DRC8: variants seen among roughly 807,000 people sequenced by gnomAD.
The protein encoded by DRC8 is dynein regulatory complex subunit 8.
the DRC8 span, chr1:245,017,299 A>G: frequency 6.2e-7 from 1 of 1,609,516 alleles, no homozygotes. Flanking sequence ...GTCTTTGACC[A>G]TGAGTCGAAT....
the DRC8 span, among the ~76,000 whole-genome samples, chr1:244,987,195 G>A: frequency 2.0e-5 from 3 of 151,688 alleles, no homozygotes; most frequent in Non-Finnish European, 4.4e-5. Context: ...ATTGAGTACA[G>A]TATTTCTTTC....
At chr1:245,083,850 G>T in the DRC8 span, 28 of 972,362 alleles carry the variant, frequency 2.9e-5, 1 homozygote, top group South Asian at 5.3e-4. Flanking sequence ...TGTTCTGTGG[G>T]GGTTAAGAGG....
At chr1:245,057,514 C>T in the DRC8 span, among the ~76,000 whole-genome samples, 1 of 152,144 alleles carries the variant, frequency 6.6e-6, no homozygotes, top group Non-Finnish European at 1.5e-5. Flanking sequence ...TTTACACTGA[C>T]AGTACATTTC....
chr1:244,970,693 T>TCTCCCCTCC, the DRC8 span: 1 of 368,050 alleles, frequency 2.7e-6, no homozygotes, highest in Non-Finnish European at 4.4e-6. Context: ...CTCTCCCCTC[T>TCTCCCCTCC]TCCCTCCCTC....
At chr1:245,001,419 A>C in the DRC8 span, among the ~76,000 whole-genome samples, 1 of 152,206 alleles carries the variant, frequency 6.6e-6, no homozygotes, top group Non-Finnish European at 1.5e-5. Context: ...CTTTGTAAAA[A>C]TACAAATTCC....
the DRC8 span, among the ~76,000 whole-genome samples, chr1:244,996,418 G>A: frequency 6.6e-6 from 1 of 152,104 alleles, no homozygotes; most frequent in Non-Finnish European, 1.5e-5. Flanking sequence ...GCCAGGAGGC[G>A]GGAATCACTG....
the DRC8 span, among the ~76,000 whole-genome samples, chr1:245,074,369 A>G: frequency 6.6e-6 from 1 of 152,222 alleles, no homozygotes. Flanking sequence ...CAATAAAACT[A>G]CTTGGCGTGG....
chr1:245,097,552 CA>C, the DRC8 span, among the ~76,000 whole-genome samples: 8 of 151,856 alleles, frequency 5.3e-5, no homozygotes, highest in Non-Finnish European at 1.0e-4. The surrounding 1 kb of genome is among the most constrained non-coding windows in gnomAD (Gnocchi z 5.0). Flanking sequence ...AGAAAAGAAA[CA>C]GCGCTAGCAA....
At chr1:245,039,486 AAAAG>A in the DRC8 span, among the ~76,000 whole-genome samples, 2 of 111,964 alleles carry the variant, frequency 1.8e-5, no homozygotes, top group East Asian at 2.5e-4. Context: ...AAAAAAAAAA[AAAAG>A]AGTTTGTGTA....
At chr1:244,972,943 A>C in the DRC8 span, among the ~76,000 whole-genome samples, 1 of 152,346 alleles carries the variant, frequency 6.6e-6, no homozygotes, top group South Asian at 2.1e-4. Context: ...AAATAAAGGC[A>C]TTTTGTTAGA....
chr1:244,999,147 G>C, the DRC8 span, among the ~76,000 whole-genome samples: 2 of 150,906 alleles, frequency 1.3e-5, no homozygotes, highest in Non-Finnish European at 2.9e-5. Context: ...AAGTGGAGGA[G>C]GAGGCAGCAA....
chr1:244,995,699 A>G, the DRC8 span, among the ~76,000 whole-genome samples: 1 of 152,118 alleles, frequency 6.6e-6, no homozygotes, highest in Non-Finnish European at 1.5e-5. Flanking sequence ...AAGCACCTTC[A>G]GTGCTTTTCC....
At chr1:244,994,583 C>A in the DRC8 span, among the ~76,000 whole-genome samples, 1 of 152,072 alleles carries the variant, frequency 6.6e-6, no homozygotes, top group South Asian at 2.1e-4. Context: ...GTGCATGCCA[C>A]CATGCCTGGC....
At chr1:245,083,030 T>G in the DRC8 span, among the ~76,000 whole-genome samples, 1 of 152,054 alleles carries the variant, frequency 6.6e-6, no homozygotes, top group Admixed American at 6.6e-5. Flanking sequence ...TATGTGGTCA[T>G]TTATTACGGG....
chr1:245,039,562 G>A, the DRC8 span, among the ~76,000 whole-genome samples: 5 of 151,502 alleles, frequency 3.3e-5, no homozygotes, highest in South Asian at 2.1e-4. Flanking sequence ...ATAAATTAAC[G>A]TTGGTTCAGT....
chr1:245,113,053 C>T, the DRC8 span, among the ~76,000 whole-genome samples: 1 of 152,152 alleles, frequency 6.6e-6, no homozygotes, highest in African/African-American at 2.4e-5. Flanking sequence ...TGCACCTGGC[C>T]CCTGATACTA....
the DRC8 span, among the ~76,000 whole-genome samples, chr1:245,065,761 G>A: frequency 2.0e-5 from 3 of 151,672 alleles, no homozygotes; most frequent in East Asian, 2.0e-4. Flanking sequence ...CGGAGTGTTG[G>A]GGATTTTTCT....
the DRC8 span, among the ~76,000 whole-genome samples, chr1:245,080,936 C>T: frequency 2.9e-4 from 44 of 152,186 alleles, no homozygotes; most frequent in Admixed American, 1.3e-3. Flanking sequence ...AGCCTCCTAG[C>T]CGCCAATGTG....
At chr1:245,102,093 A>G in the DRC8 span, among the ~76,000 whole-genome samples, 9 of 152,216 alleles carry the variant, frequency 5.9e-5, 1 homozygote, top group Admixed American at 5.9e-4. Context: ...CCGTGCTTCT[A>G]CACAATAGTG....
Sources: gnomAD v4.1 joint callset for allele counts (sites outside exome capture counted in the v4.1 genomes callset) on GRCh38, gnomAD v4.1.1 for gene constraint, Gnocchi (gnomAD v3.1) non-coding constraint, MANE v1.5 for transcripts, NCBI Gene and HGNC (gene_info 2026-07-23, HGNC 2026-07-21) for gene names.